DNAH9: variants seen among roughly 807,000 people sequenced by gnomAD.
DNAH9 encodes DNAH9 variant protein.
In DNAH9, 345 loss-of-function variants were observed where a neutral mutation model predicts 471.6. The ratio of observed to expected loss-of-function variants is 0.73; its 90% CI spans 0.67 to 0.80. The LOEUF is 0.80. DNAH9 is among the 30% of genes least tolerant of loss of function. The pLI, the probability that DNAH9 is intolerant of heterozygous loss-of-function variation, is 0.00. For synonymous variants in DNAH9, 2,093 were observed against 2,123.6 expected (o/e 0.99, Z 0.40); for missense variants, 5,407 against 5,609.2 (o/e 0.96, Z 1.15).
Position 11,617,569 on chromosome 17 carries a change from C to T in DNAH9, c.1063C>T (p.Pro355Ser), listed in dbSNP as rs572251457. ...IWATCKSYRSPGRLTVLLQEI... is the reference protein window; with the variant it reads ...IWATCKSYRSSGRLTVLLQEI... ...GGCCACATGCAAGTCCTACCGCTCCCCGGGAAGGCTGACTGTGCTGCTCCA... is the reference window on the plus strand; with the variant it reads ...GGCCACATGCAAGTCCTACCGCTCCTCGGGAAGGCTGACTGTGCTGCTCCA... Residue 355 changes from proline to serine, a missense_variant, in exon 5 of 69, where the codon CCG becomes TCG. This residue lies in a region of DNAH9 where 767 missense variants were observed against 692.5 expected (regional missense o/e 1.11). Coordinates refer to ENST00000262442, the MANE Select transcript of DNAH9 (RefSeq NM_001372.4). 9.9e-6 allele frequency: 16 copies of T among 1,614,156 alleles called. No homozygotes were observed. Among genetic ancestry groups the T allele is most frequent in the South Asian group, 5.5e-5 (5 of 91,078 alleles).
At chr17:11,673,808 A>T (rs183772348) in intron 17 of DNAH9, among the ~76,000 whole-genome samples, 55 of 152,256 alleles carry the variant, frequency 3.6e-4, no homozygotes, top group Middle Eastern at 6.8e-3. Context: ...CCTAAATGTG[A>T]CATAATCCTT....
Position 11,854,054 on chromosome 17 carries a change from A to G in DNAH9, c.9559A>G (p.Asn3187Asp). ...SFGSPPLAVSNVSAAVMVLMA... is the reference protein window; with the variant it reads ...SFGSPPLAVSDVSAAVMVLMA... ...TGGCTCTCCGCCTCTGGCCGTCAGC[A>G]ATGTCAGCGCTGCGGTGATGGTACT... Residue 3187 changes from asparagine (N) to aspartate (D), a missense_variant, in exon 50 of 69, where the codon AAT becomes GAT. Coordinates refer to ENST00000262442, the MANE Select transcript of DNAH9 (RefSeq NM_001372.4). 1.2e-6 allele frequency: 2 copies of G among 1,614,128 alleles called. No homozygotes were observed. The highest frequency in any genetic ancestry group is 1.7e-6 in the Non-Finnish European group (2 of 1,180,012).
chr17:11,839,593 C>A (rs1970962683), intron 49 of DNAH9, among the ~76,000 whole-genome samples: 1 of 151,934 alleles, frequency 6.6e-6, no homozygotes, highest in Admixed American at 6.6e-5. Flanking sequence ...CTTTCCGCTT[C>A]AGCCCCTGAC....
In DNAH9 at chr17:11,619,786, G is replaced by A; in HGVS notation, c.1350+5G>A. 1 of 1,553,172 alleles carries A rather than the reference G, an allele frequency of 6.4e-7. No homozygotes were observed. The highest frequency in any genetic ancestry group is 8.9e-7 in the Non-Finnish European group (1 of 1,124,516). ...GGACAACTGCACGTGGTGGAGGTGAGTGCGCACCTCACCTCAGGCTGCCAG... is the reference window on the plus strand; with the variant it reads ...GGACAACTGCACGTGGTGGAGGTGAATGCGCACCTCACCTCAGGCTGCCAG... On this transcript the variant is annotated splice_donor_5th_base_variant and intron_variant, in intron 6 of 68. Transcript: ENST00000262442.
intron 48 of DNAH9, among the ~76,000 whole-genome samples, chr17:11,824,322 C>A (rs1182067047): frequency 6.6e-6 from 1 of 152,146 alleles, no homozygotes; most frequent in Admixed American, 6.6e-5. Context: ...TGTCCTTTTG[C>A]CCCTCTTCAA....
chr17:11,870,358 T>C (rs778764534), intron 51 of DNAH9, among the ~76,000 whole-genome samples: 2 of 152,230 alleles, frequency 1.3e-5, no homozygotes, highest in African/African-American at 2.4e-5. Flanking sequence ...ATATGATTTC[T>C]CTTCAAGCTA....
chr17:11,732,113 C>T (rs1248904714), intron 28 of DNAH9, among the ~76,000 whole-genome samples: 10 of 152,176 alleles, frequency 6.6e-5, no homozygotes, highest in East Asian at 5.8e-4. Flanking sequence ...TGCCCAACAG[C>T]CATTGTTGCC....
At chr17:11,920,681 T>A (rs1479433005) in intron 61 of DNAH9, among the ~76,000 whole-genome samples, 2 of 151,258 alleles carry the variant, frequency 1.3e-5, no homozygotes, top group Non-Finnish European at 2.9e-5. Context: ...GGCTGGGTGT[T>A]GTCTGAGTCA....
At chr17:11,912,204 C>T (rs747372837) in intron 61 of DNAH9, among the ~76,000 whole-genome samples, 6 of 151,978 alleles carry the variant, frequency 3.9e-5, no homozygotes, top group Non-Finnish European at 8.8e-5. Context: ...TTTTTTAGTA[C>T]GGACAGGGTT....
Position 11,725,599 on chromosome 17 carries a change from G to A in DNAH9, c.5710-2219G>A, listed in dbSNP as rs75593175. 1.0e-3 allele frequency among the ~76,000 whole-genome samples: 153 copies of A among 152,126 alleles called. 1 individual carries two copies. The East Asian group carries it at 0.026, about 26-fold the overall frequency. On this transcript the variant is annotated intron_variant, in intron 27 of 68. Transcript: ENST00000262442. ...GTCTGCCCTACATCAGGACACAGTGGCTCACACCTGCAACTCAAACACTTT... is the reference window on the plus strand; with the variant it reads ...GTCTGCCCTACATCAGGACACAGTGACTCACACCTGCAACTCAAACACTTT...
At position 11,610,425 on chromosome 17, in the gene DNAH9, A is replaced by C. The variant is rs776953040; in HGVS notation, c.644A>C (p.Tyr215Ser). The change falls in exon 3 of 69, where the codon TAT becomes TCT. Residue 215 changes from tyrosine (Y) to serine (S), a missense_variant. Around this residue, in one of 3 missense-constraint regions of DNAH9, gnomAD observed 767 missense variants for 692.5 expected, o/e 1.11. Transcript: ENST00000262442. ...VLDSIDKSVI[Y>S]AIESAVIKWS... Reference sequence around the variant, plus strand: ...GATTCTATAGATAAGTCAGTCATCTATGCCATTGAGTCTGCAGTGATCAAA... The same window carrying C: ...GATTCTATAGATAAGTCAGTCATCTCTGCCATTGAGTCTGCAGTGATCAAA... 2.8e-5 allele frequency: 45 copies of C among 1,613,688 alleles called. 1 individual carries two copies. Among genetic ancestry groups the C allele is most frequent in the Non-Finnish European group, 3.8e-5 (45 of 1,179,864 alleles).
chr17:11,901,974 A>G (rs1219626958), intron 59 of DNAH9, among the ~76,000 whole-genome samples: 1 of 152,222 alleles, frequency 6.6e-6, no homozygotes, highest in Non-Finnish European at 1.5e-5. Flanking sequence ...CAACCTGTAG[A>G]GCCTTAACAT....
In DNAH9 at chr17:11,669,783, C is replaced by T. The variant is rs1271578590; in HGVS notation, c.3342C>T (p.His1114=). ...TGTTCAAACAGCATCTTGTGGACCA[C>T]GTCACTCACAGGTACAACAGTTGTT... ...SLLFKQHLVD[H]VTHSLANLDA... Residue 1114 remains histidine, a synonymous_variant, in exon 17 of 69, where the codon CAC becomes CAT. Transcript: ENST00000262442. 5.6e-6 allele frequency: 9 copies of T among 1,613,542 alleles called. No homozygotes were observed. The South Asian group carries it at 8.8e-5, about 16-fold the overall frequency.
At chr17:11,905,107 G>A (rs34299312) in intron 60 of DNAH9, among the ~76,000 whole-genome samples, 2,275 of 151,946 alleles carry the variant, frequency 0.015, 33 homozygotes, top group Middle Eastern at 0.048. Context: ...GGTGGCAGGC[G>A]CCTGTAGTCC....
At chr17:11,795,227 C>A (rs1246684430) in intron 42 of DNAH9, among the ~76,000 whole-genome samples, 1 of 152,054 alleles carries the variant, frequency 6.6e-6, no homozygotes, top group Non-Finnish European at 1.5e-5. Flanking sequence ...ATGGATTATG[C>A]CTTGGGAGGC....
intron 57 of DNAH9, among the ~76,000 whole-genome samples, chr17:11,888,212 C>T (rs1476160750): frequency 6.6e-6 from 1 of 151,944 alleles, no homozygotes; most frequent in Admixed American, 6.6e-5. Flanking sequence ...TCTCGATCTC[C>T]GGACTTCGTG....
At chr17:11,880,254 G>A in intron 54 of DNAH9, 54 bp downstream of exon 54, 1 of 1,598,752 alleles carries the variant, frequency 6.3e-7, no homozygotes, top group Non-Finnish European at 8.5e-7. Context: ...CATGGCCCTG[G>A]TTAGAATCAT....
rs2074654065 is a variant in DNAH9, at chr17:11,704,129, C to T, written c.5152-74C>T. 28 of 1,562,852 alleles carry T rather than the reference C, an allele frequency of 1.8e-5. No homozygotes were observed. The East Asian group carries it at 5.4e-4, about 30-fold the overall frequency. ...CACCCACACAATTACATCCTGAGCCCTTGCTGTGTGATGAGTGGGTTGGTT... is the reference window on the plus strand; with the variant it reads ...CACCCACACAATTACATCCTGAGCCTTTGCTGTGTGATGAGTGGGTTGGTT... On this transcript the variant is annotated intron_variant, in intron 24 of 68. Coordinates refer to ENST00000262442, the MANE Select transcript of DNAH9 (RefSeq NM_001372.4).
intron 38 of DNAH9, 76 bp downstream of exon 38, chr17:11,769,405 T>TGAAGCCAAGACA: frequency 7.3e-7 from 1 of 1,361,384 alleles, no homozygotes; most frequent in Non-Finnish European, 1.0e-6. Flanking sequence ...AAGCCAAGCG[T>TGAAGCCAAGACA]CAGGTGCCTG....
Sources: allele counts gnomAD v4.1 joint callset (sites outside exome capture counted in the v4.1 genomes callset), GRCh38; gene constraint gnomAD v4.1.1; regional missense constraint gnomAD v4.1.1; transcripts MANE v1.5; gene names NCBI Gene and HGNC (gene_info 2026-07-23, HGNC 2026-07-21).